ADARB2: variants seen among roughly 807,000 people sequenced by gnomAD.
ADARB2 encodes the protein adenosine deaminase RNA specific B2 (inactive), also known as inactive double-stranded RNA-specific editase B2.
In ADARB2, 25 loss-of-function variants were observed where a neutral mutation model predicts 62.2. The observed-to-expected ratio is 0.40, with a 90% CI of 0.29 to 0.56. The LOEUF (loss-of-function observed/expected upper bound fraction) is 0.56. Ranked by LOEUF, ADARB2 falls within the 20% of genes least tolerant of loss-of-function variation. The pLI is 0.43. For synonymous variants in ADARB2, 572 were observed against 500.8 expected (o/e 1.14, Z -1.90); for missense variants, 1,071 against 1,077.4 (o/e 0.99, Z 0.08).
At chr10:1,350,005 C>T (rs1832120422) in intron 3 of ADARB2, among the ~76,000 whole-genome samples, 1 of 152,074 alleles carries the variant, frequency 6.6e-6, no homozygotes, top group Non-Finnish European at 1.5e-5. Flanking sequence ...TCCATTCCTC[C>T]TTCTTCTCCC....
chr10:1,206,035 G>A lies in ADARB2; in HGVS notation c.1683-5888C>T, dbSNP rs1021872832. Reference sequence around the variant, plus strand: ...GTTCACGGGGCAGCTGGGCTCAGGTGGGGTGGGTGGGATATTCAGCCGCTT... The same window carrying A: ...GTTCACGGGGCAGCTGGGCTCAGGTAGGGTGGGTGGGATATTCAGCCGCTT... On this transcript the variant is annotated intron_variant, in intron 7 of 9. Transcript: ENST00000381312. Among the ~76,000 whole-genome samples, 9 of 152,306 alleles carry A rather than the reference G, an allele frequency of 5.9e-5. No individual in the cohort carries two copies. In the East Asian group the frequency reaches 1.2e-3, roughly 20 times the overall value.
At chr10:1,633,554 ATCTATCT>A (rs1564353006) in intron 1 of ADARB2, among the ~76,000 whole-genome samples, 10 of 71,076 alleles carry the variant, frequency 1.4e-4, no homozygotes, top group African/African-American at 2.1e-4. Flanking sequence ...TCTATCATCT[ATCTATCT>A]ATCTATCTAT....
chr10:1,347,615 G>A (rs1225906597), intron 3 of ADARB2, among the ~76,000 whole-genome samples: 2 of 152,180 alleles, frequency 1.3e-5, no homozygotes, highest in East Asian at 3.9e-4. Flanking sequence ...GGAGGCCTCA[G>A]CCCTCACCTC....
intron 2 of ADARB2, among the ~76,000 whole-genome samples, chr10:1,364,673 C>T (rs1832297169): frequency 6.6e-6 from 1 of 152,304 alleles, no homozygotes; most frequent in South Asian, 2.1e-4. Flanking sequence ...CAATGATTTG[C>T]ATAGCGTTTA....
intron 1 of ADARB2, among the ~76,000 whole-genome samples, chr10:1,379,767 C>T (rs888554024): frequency 6.6e-6 from 1 of 152,206 alleles, no homozygotes; most frequent in African/African-American, 2.4e-5. Flanking sequence ...ATTCCAGGGA[C>T]TGCCTCTGCC....
chr10:1,449,581 C>T (rs908717988), intron 1 of ADARB2, among the ~76,000 whole-genome samples: 13 of 152,208 alleles, frequency 8.5e-5, no homozygotes, highest in Admixed American at 8.5e-4. Flanking sequence ...ATTAGATGCT[C>T]ATCCAGAGAG....
intron 1 of ADARB2, among the ~76,000 whole-genome samples, chr10:1,676,791 T>TC (rs1387431001): frequency 6.6e-6 from 1 of 151,738 alleles, no homozygotes; most frequent in Non-Finnish European, 1.5e-5. Flanking sequence ...TTTAATTTTT[T>TC]TTAAGATGGA....
intron 1 of ADARB2, among the ~76,000 whole-genome samples, chr10:1,647,506 T>TA (rs1310240680): frequency 6.6e-6 from 1 of 152,230 alleles, no homozygotes; most frequent in African/African-American, 2.4e-5. Flanking sequence ...TGTGTATATA[T>TA]ATGCCTGCAT....
At chr10:1,332,004 C>T (rs186567806) in intron 3 of ADARB2, among the ~76,000 whole-genome samples, 173 of 152,348 alleles carry the variant, frequency 1.1e-3, no homozygotes, top group African/African-American at 4.1e-3. Context: ...GTCAGATTGG[C>T]TGCAACACTT....
chr10:1,266,590 C>A (rs548996428), intron 4 of ADARB2, among the ~76,000 whole-genome samples: 1 of 152,102 alleles, frequency 6.6e-6, no homozygotes, highest in South Asian at 2.1e-4. Context: ...CCCATCTGGG[C>A]GGGAGCCTGT....
rs142821577 is a variant in ADARB2, at chr10:1,274,091, G to T, written c.1078-3022C>A. Reference sequence around the variant, plus strand: ...CTGATGTCTGAGATAAACCTTGAAGGATGAGTAGGAGAGCTTCCCTTTCTC... The same window carrying T: ...CTGATGTCTGAGATAAACCTTGAAGTATGAGTAGGAGAGCTTCCCTTTCTC... On this transcript the variant is annotated intron_variant, in intron 3 of 9. Transcript: ENST00000381312. Among the ~76,000 whole-genome samples, 5 of 152,370 alleles carry T rather than the reference G, an allele frequency of 3.3e-5. No homozygotes were observed. In the East Asian group the frequency reaches 9.7e-4, roughly 29 times the overall value.
At chr10:1,451,607 A>C (rs74122636) in intron 1 of ADARB2, among the ~76,000 whole-genome samples, 14,728 of 151,640 alleles carry the variant, frequency 0.097, 775 homozygotes, top group South Asian at 0.23. Flanking sequence ...CACCTGTATA[A>C]GGAGGGGACA....
chr10:1,366,615 G>A (rs961176952), intron 2 of ADARB2, among the ~76,000 whole-genome samples: 3 of 152,186 alleles, frequency 2.0e-5, no homozygotes, highest in African/African-American at 7.2e-5. Context: ...TTAGTTGGTC[G>A]CAGTGCAGTT....
chr10:1,532,914 C>T (rs931778604), intron 1 of ADARB2, among the ~76,000 whole-genome samples: 2 of 152,120 alleles, frequency 1.3e-5, no homozygotes, highest in African/African-American at 2.4e-5. Context: ...CCAGGAGCCT[C>T]GCCTCACCTG....
At chr10:1,351,201 C>T (rs1006173621) in intron 3 of ADARB2, among the ~76,000 whole-genome samples, 19 of 152,196 alleles carry the variant, frequency 1.2e-4, no homozygotes, top group African/African-American at 4.3e-4. Flanking sequence ...CAAATCTTCT[C>T]GGCTTAGCGC....
intron 8 of ADARB2, among the ~76,000 whole-genome samples, chr10:1,193,934 C>T (rs1467711327): frequency 6.6e-6 from 1 of 152,068 alleles, no homozygotes; most frequent in Non-Finnish European, 1.5e-5. Context: ...TCTTGGGGTA[C>T]AATGTGCTTT....
At chr10:1,485,108 A>G (rs1831523893) in intron 1 of ADARB2, among the ~76,000 whole-genome samples, 1 of 151,944 alleles carries the variant, frequency 6.6e-6, no homozygotes, top group African/African-American at 2.4e-5. Flanking sequence ...ATAGGTAGGT[A>G]TGCATGTAGA....
At chr10:1,323,325 G>T (rs1348910315) in intron 3 of ADARB2, among the ~76,000 whole-genome samples, 1 of 149,114 alleles carries the variant, frequency 6.7e-6, no homozygotes, top group African/African-American at 2.5e-5. Flanking sequence ...AATCAAAGAA[G>T]ACCTAAATTA....
chr10:1,516,570 G>C (rs969248729), intron 1 of ADARB2, among the ~76,000 whole-genome samples: 3 of 152,068 alleles, frequency 2.0e-5, no homozygotes, highest in Non-Finnish European at 4.4e-5. Context: ...TGCTGTGCGG[G>C]CTGCTCTGTG....
Sources: allele counts gnomAD v4.1 joint callset (sites outside exome capture counted in the v4.1 genomes callset), GRCh38; gene constraint gnomAD v4.1.1; transcripts MANE v1.5; gene names NCBI Gene and HGNC (gene_info 2026-07-23, HGNC 2026-07-21).